Variants in PIK3CB observed in about 807,000 individuals in gnomAD.
The protein encoded by PIK3CB is phosphatidylinositol-4,5-bisphosphate 3-kinase catalytic subunit beta.
PIK3CB carries 39 observed loss-of-function variants against 136.8 expected under a neutral mutation model. The observed-to-expected ratio is 0.29, with a 90% CI of 0.22 to 0.37. The LOEUF (loss-of-function observed/expected upper bound fraction) is 0.37, where lower values mean the gene tolerates loss of function less well. Among genes scored for constraint, PIK3CB ranks in the 10% least tolerant of loss-of-function variants. The probability of loss-of-function intolerance (pLI) is 1.00; values close to 1 mark genes in which losing one functional copy is unlikely to be tolerated. For missense variants in PIK3CB, 868 were observed against 1,275.4 expected (o/e 0.68, Z 4.87); for synonymous variants, 428 against 436.6 (o/e 0.98, Z 0.25).
intron 1 of PIK3CB, among the ~76,000 whole-genome samples, chr3:138,833,739 T>C (rs1261773967): frequency 6.6e-6 from 1 of 152,238 alleles, no homozygotes. Context: ...CGTGTGTTTA[T>C]AACTCTGTAA....
chr3:138,819,465 C>T (rs1933467029), intron 1 of PIK3CB, among the ~76,000 whole-genome samples: 1 of 152,060 alleles, frequency 6.6e-6, no homozygotes, highest in East Asian at 1.9e-4. Flanking sequence ...TCTAGATTTC[C>T]AAAGAAGGTG....
At chr3:138,795,844 C>T (rs2046103294) in intron 2 of PIK3CB, among the ~76,000 whole-genome samples, 1 of 152,110 alleles carries the variant, frequency 6.6e-6, no homozygotes, top group Non-Finnish European at 1.5e-5. Context: ...CAGCCATAAA[C>T]AGTCTCCTAA....
intron 2 of PIK3CB, among the ~76,000 whole-genome samples, chr3:138,772,785 T>C (rs937288111): frequency 7.9e-5 from 11 of 138,944 alleles, no homozygotes; most frequent in South Asian, 4.8e-4. Context: ...TTTATTCTCT[T>C]TTTTTTTTTT....
intron 12 of PIK3CB, among the ~76,000 whole-genome samples, chr3:138,703,584 GTAGATA>G (rs899177666): frequency 7.7e-5 from 11 of 142,756 alleles, no homozygotes; most frequent in South Asian, 2.1e-4. Flanking sequence ...ATATAGATAT[GTAGATA>G]TAGATATAGA....
In PIK3CB at chr3:138,655,246, G is replaced by A; in HGVS notation, c.*143C>T. On this transcript the variant is annotated 3_prime_UTR_variant, in exon 24 of 24. Transcript: ENST00000674063. ...GGATTGTTCAGATTAGGTTCTGTGGGATGCCTTGTTCTTAATTTAACTCTG... is the reference window on the plus strand; with the variant it reads ...GGATTGTTCAGATTAGGTTCTGTGGAATGCCTTGTTCTTAATTTAACTCTG... 1.3e-6 allele frequency: 1 copy of A among 740,920 alleles called. No individual in the cohort carries two copies. Among genetic ancestry groups the A allele is most frequent in the Non-Finnish European group, 2.2e-6 (1 of 449,594 alleles). The allele number at this position is 740,920 out of a possible 1,614,324, so 45.9% of individuals were successfully genotyped here. A position where few individuals can be genotyped will look rare whatever the true frequency, so the allele number is the denominator to read the frequency against.
At chr3:138,665,952 C>T (rs749685598) in intron 19 of PIK3CB, among the ~76,000 whole-genome samples, 19 of 152,162 alleles carry the variant, frequency 1.2e-4, no homozygotes, top group Non-Finnish European at 2.6e-4. Context: ...AATTAGATTG[C>T]AAACTCCTTG....
intron 4 of PIK3CB, among the ~76,000 whole-genome samples, chr3:138,746,675 T>A (rs182322926): frequency 2.8e-4 from 43 of 151,776 alleles, no homozygotes; most frequent in Non-Finnish European, 4.7e-4. Context: ...ATAAATAAAT[T>A]AATTAATTAA....
chr3:138,706,857 T>C (rs1318231769), intron 11 of PIK3CB, among the ~76,000 whole-genome samples: 1 of 152,192 alleles, frequency 6.6e-6, no homozygotes, highest in African/African-American at 2.4e-5. Context: ...GGCTTCTCCA[T>C]GTTTGTCAGG....
intron 22 of PIK3CB, among the ~76,000 whole-genome samples, chr3:138,656,978 G>A (rs1180162681): frequency 1.3e-5 from 2 of 152,088 alleles, no homozygotes; most frequent in African/African-American, 4.8e-5. Flanking sequence ...ATGTTGGTCA[G>A]GCTGGTCTCA....
rs1250772038 is a variant in PIK3CB, at chr3:138,755,977, C to T, written c.174G>A (p.Met58Ile). Residue 58 changes from methionine to isoleucine, a missense_variant and splice_region_variant, in exon 4 of 24, where the codon ATG (methionine) becomes ATA (isoleucine). Coordinates refer to ENST00000674063, the MANE Select transcript of PIK3CB (RefSeq NM_006219.3). ...REATISYIKQMLWKQVHNYPM... is the reference protein window; with the variant it reads ...REATISYIKQILWKQVHNYPM... ...GGTAATTGTGAACTTGCTTCCATAACATCTATGAGAAAAAATAAGACATTT... is the reference window on the plus strand; with the variant it reads ...GGTAATTGTGAACTTGCTTCCATAATATCTATGAGAAAAAATAAGACATTT... The T allele has an allele frequency of 1.9e-6, 3 of 1,549,930 alleles. No homozygotes were observed.
intron 1 of PIK3CB, among the ~76,000 whole-genome samples, chr3:138,808,222 C>A (rs371909446): frequency 7.2e-5 from 11 of 152,056 alleles, no homozygotes; most frequent in African/African-American, 2.7e-4. Context: ...CTGACGGAAC[C>A]CCATGTCCCA....
intron 3 of PIK3CB, among the ~76,000 whole-genome samples, chr3:138,757,694 A>AAGAGAGGGAGGGAGGG: frequency 8.0e-6 from 1 of 124,400 alleles, no homozygotes; most frequent in African/African-American, 3.1e-5. Context: ...GGGAGGGAGG[A>AAGAGAGGGAGGGAGGG]AGAGAGGGAG....
At chr3:138,701,849 T>A (rs1197751677) in intron 12 of PIK3CB, among the ~76,000 whole-genome samples, 1 of 150,728 alleles carries the variant, frequency 6.6e-6, no homozygotes, top group Non-Finnish European at 1.5e-5. Context: ...TATGGAATGT[T>A]AGAAAGGTAT....
chr3:138,694,730 T>TCCCAAACCCACCCAAGTTATTCCTTG, intron 14 of PIK3CB, 56 bp downstream of exon 14: 1 of 1,590,154 alleles, frequency 6.3e-7, no homozygotes, highest in Non-Finnish European at 8.6e-7. Flanking sequence ...GACACCCTCA[T>TCCCAAACCCACCCAAGTTATTCCTTG]CCCAAACCCA....
At chr3:138,729,476 C>G (rs893820683) in intron 8 of PIK3CB, among the ~76,000 whole-genome samples, 2 of 152,168 alleles carry the variant, frequency 1.3e-5, no homozygotes, top group Admixed American at 6.5e-5. Flanking sequence ...ATTGCCCTCC[C>G]TGATGTAGGC....
intron 15 of PIK3CB, among the ~76,000 whole-genome samples, chr3:138,689,301 T>C (rs2043959008): frequency 6.6e-6 from 1 of 152,050 alleles, no homozygotes; most frequent in African/African-American, 2.4e-5. Flanking sequence ...AAAAAATGAG[T>C]CCTGGACTTA....
At chr3:138,757,478 A>AACACACACACACACACAC in intron 3 of PIK3CB, among the ~76,000 whole-genome samples, 1 of 136,434 alleles carries the variant, frequency 7.3e-6, no homozygotes, top group East Asian at 2.2e-4. Flanking sequence ...GATACTATTA[A>AACACACACACACACACAC]ACACACACAC....
chr3:138,693,947 A>ATATATATATATATATAT (rs2044067307), intron 14 of PIK3CB, among the ~76,000 whole-genome samples: 1 of 36,152 alleles, frequency 2.8e-5, no homozygotes, highest in Non-Finnish European at 4.2e-5. Flanking sequence ...ATATATATAT[A>ATATATATATATATATAT]TATATATATA....
Position 138,800,763 on chromosome 3 carries a change from T to C in PIK3CB, c.-121-4196A>G, listed in dbSNP as rs193297673. On this transcript the variant is annotated intron_variant, in intron 1 of 23. Coordinates refer to ENST00000674063, the MANE Select transcript of PIK3CB (RefSeq NM_006219.3). ...CCTCAGTCTCCTGAGTACCTGGGATTACAGGTGTGTGCCACCACGCCCAGC... is the reference window on the plus strand; with the variant it reads ...CCTCAGTCTCCTGAGTACCTGGGATCACAGGTGTGTGCCACCACGCCCAGC... Among the ~76,000 whole-genome samples, 397 of 152,206 alleles carry C rather than the reference T, an allele frequency of 2.6e-3. 4 individuals carry two copies. Among genetic ancestry groups the C allele is most frequent in the African/African-American group, 9.3e-3 (387 of 41,534 alleles).
Sources: gnomAD v4.1 joint callset for allele counts (sites outside exome capture counted in the v4.1 genomes callset) on GRCh38, gnomAD v4.1.1 for gene constraint, MANE v1.5 for transcripts, NCBI Gene and HGNC (gene_info 2026-07-23, HGNC 2026-07-21) for gene names.